The following ADAMTS19 variants were observed in gnomAD, a reference collection of about 807,000 sequenced individuals.
The protein encoded by ADAMTS19 is ADAM metallopeptidase with thrombospondin type 1 motif 19.
In ADAMTS19, 93 loss-of-function variants were observed where a neutral mutation model predicts 153.3. The observed-to-expected ratio is 0.61, with a 90% CI of 0.51 to 0.72. The LOEUF (loss-of-function observed/expected upper bound fraction) is 0.72. Ranked by LOEUF, ADAMTS19 falls within the 30% of genes least tolerant of loss-of-function variation. The pLI is 0.00. For synonymous variants in ADAMTS19, 600 were observed against 556.6 expected (o/e 1.08, Z -1.10); for missense variants, 1,482 against 1,552.1 (o/e 0.95, Z 0.76).
intron 2 of ADAMTS19, among the ~76,000 whole-genome samples, chr5:129,472,074 T>G (rs1213690558): frequency 6.6e-6 from 1 of 152,250 alleles, no homozygotes; most frequent in Non-Finnish European, 1.5e-5. Flanking sequence ...TACCCAGTAA[T>G]GGGCTTGGTG....
In ADAMTS19 at chr5:129,528,661, G is replaced by T. The variant is rs2126768728; in HGVS notation, c.1312G>T (p.Ala438Ser). The part of the protein sequence containing the change: ...WGEDMTSVDA[A>S]ILITRKDFCV... ...GGAAGACATGACTTCAGTGGATGCA[G>T]CTATACTTATAACAAGGTAAATTTT... Residue 438 changes from alanine to serine, a missense_variant, in exon 6 of 23, where the codon GCT becomes TCT. Physicochemically the swap from Ala to Ser is moderately conservative, Grantham distance 99 (BLOSUM62 1). Around this residue, in one of 2 missense-constraint regions of ADAMTS19, gnomAD observed 866 missense variants for 827.7 expected, o/e 1.05. Coordinates refer to ENST00000274487, the MANE Select transcript of ADAMTS19 (RefSeq NM_133638.6). 6.3e-7 allele frequency: 1 copy of T among 1,595,514 alleles called. No homozygotes were observed. The highest frequency in any genetic ancestry group is 2.3e-5 in the East Asian group (1 of 43,456).
Position 129,708,528 on chromosome 5 carries a change from T to G in ADAMTS19, c.3312+4137T>G, listed in dbSNP as rs567825740. On this transcript the variant is annotated intron_variant, in intron 21 of 22. Transcript: ENST00000274487. ...TTTTTTTTTTGGTCTGAATTTGACC[T>G]TCCTTCCTTTATTTAAACTTCTGCA... Among the ~76,000 whole-genome samples the G allele has an allele frequency of 4.7e-5, 7 of 148,020 alleles. No homozygotes were observed. In the South Asian group the frequency reaches 6.5e-4, roughly 14 times the overall value.
At chr5:129,597,393 TA>T (rs1240640032) in intron 8 of ADAMTS19, among the ~76,000 whole-genome samples, 4 of 151,674 alleles carry the variant, frequency 2.6e-5, no homozygotes, top group African/African-American at 9.7e-5. Flanking sequence ...AATACAGAAA[TA>T]TAGAGAATTT....
In ADAMTS19 at chr5:129,674,192, T is replaced by C. The variant is rs146036822; in HGVS notation, c.2507-5572T>C. Among the ~76,000 whole-genome samples the C allele has an allele frequency of 2.4e-3, 365 of 151,788 alleles. 1 individual carries two copies. The highest frequency in any genetic ancestry group is 8.6e-3 in the African/African-American group (354 of 41,358). On this transcript the variant is annotated intron_variant, in intron 16 of 22. Coordinates refer to ENST00000274487, the MANE Select transcript of ADAMTS19 (RefSeq NM_133638.6). The stretch of plus-strand genomic sequence containing the variant: ...GTTGCAATGAACTGAGATCACACTA[T>C]TGCACTCCAGCCTAGGCAACAAGAG...
chr5:129,487,511 T>A (rs1205095407), intron 2 of ADAMTS19, among the ~76,000 whole-genome samples: 1 of 152,072 alleles, frequency 6.6e-6, no homozygotes, highest in Non-Finnish European at 1.5e-5. Flanking sequence ...TATAATAATA[T>A]TAGGGAAATC....
chr5:129,510,689 G>A (rs1297636871), intron 3 of ADAMTS19, among the ~76,000 whole-genome samples: 1 of 151,758 alleles, frequency 6.6e-6, no homozygotes, highest in African/African-American at 2.4e-5. Flanking sequence ...TTGAATAATT[G>A]TTAAGTTCCA....
In ADAMTS19 at chr5:129,679,899, C is replaced by T; in HGVS notation, c.2642C>T (p.Thr881Ile). The change falls in exon 17 of 23, where the codon ACT becomes ATT. Residue 881 changes from threonine (T) to isoleucine (I), a missense_variant. Coordinates refer to ENST00000274487, the MANE Select transcript of ADAMTS19 (RefSeq NM_133638.6). ...GAGAAGATCTCTGCCAAAGGTCCTA[C>T]TACAGCACCTTTACATCTTCTGGTA... ...LWEKISAKGP[T>I]TAPLHLLVLL... 6.2e-7 allele frequency: 1 copy of T among 1,613,396 alleles called. No homozygotes were observed. The highest frequency in any genetic ancestry group is 1.3e-5 in the African/African-American group (1 of 74,988).
intron 7 of ADAMTS19, among the ~76,000 whole-genome samples, chr5:129,591,964 T>G (rs1160924998): frequency 1.3e-5 from 2 of 152,134 alleles, no homozygotes; most frequent in Non-Finnish European, 2.9e-5. Context: ...TCACATAACA[T>G]CTGGCTTGTG....
At chr5:129,618,796 C>T (rs1751646080) in intron 8 of ADAMTS19, among the ~76,000 whole-genome samples, 1 of 151,914 alleles carries the variant, frequency 6.6e-6, no homozygotes, top group South Asian at 2.1e-4. Flanking sequence ...TCAGGCTATG[C>T]ATGTACAAAA....
rs186937077 is a variant in ADAMTS19 at position 129,717,115 on chromosome 5, C to A, written c.3312+12724C>A. On this transcript the variant is annotated intron_variant, in intron 21 of 22. Transcript: ENST00000274487. ...TCATCAATAAATGACAGCCTTAGAACTCCTTGGTACATATTGATTACATTA... is the reference window on the plus strand; with the variant it reads ...TCATCAATAAATGACAGCCTTAGAAATCCTTGGTACATATTGATTACATTA... Among the ~76,000 whole-genome samples, 642 of 152,292 alleles carry A rather than the reference C, an allele frequency of 4.2e-3. 2 individuals carry two copies. Among genetic ancestry groups the A allele is most frequent in the Middle Eastern group, 0.02 (6 of 294 alleles).
chr5:129,464,840 T>C (rs1409030255), intron 2 of ADAMTS19, among the ~76,000 whole-genome samples: 2 of 152,250 alleles, frequency 1.3e-5, no homozygotes, highest in African/African-American at 4.8e-5. Flanking sequence ...TTCTGATTAG[T>C]GTATTATTGA....
intron 3 of ADAMTS19, among the ~76,000 whole-genome samples, chr5:129,512,459 A>T (rs938227414): frequency 2.6e-5 from 4 of 152,088 alleles, no homozygotes; most frequent in African/African-American, 9.7e-5. Context: ...GATTTAGGAG[A>T]TGAAGAATGA....
chr5:129,566,936 CA>C (rs1165860780), intron 7 of ADAMTS19, among the ~76,000 whole-genome samples: 10 of 145,966 alleles, frequency 6.9e-5, no homozygotes, highest in Non-Finnish European at 1.3e-4. Context: ...TATGAGAACA[CA>C]GCAGAGAGGT....
intron 6 of ADAMTS19, among the ~76,000 whole-genome samples, chr5:129,542,863 T>A (rs1216683052): frequency 5.3e-5 from 8 of 152,122 alleles, no homozygotes; most frequent in Admixed American, 5.2e-4. Flanking sequence ...GCATCTACTT[T>A]TCAACATCCA....
chr5:129,734,121 G>A (rs1473336265), intron 21 of ADAMTS19, among the ~76,000 whole-genome samples: 1 of 151,760 alleles, frequency 6.6e-6, no homozygotes, highest in Admixed American at 6.6e-5. Flanking sequence ...CTTGTAAGTG[G>A]GAACTAAACA....
rs570334393 is a variant in ADAMTS19 at position 129,709,746 on chromosome 5, T to G, written c.3312+5355T>G. ...CAAGTCTAGAAAGACAATACAAGAT[T>G]TATTACCTTGTCATTTTGAGCCTTA... is the stretch of plus-strand genomic sequence containing the variant. On this transcript the variant is annotated intron_variant, in intron 21 of 22. Transcript: ENST00000274487. Among the ~76,000 whole-genome samples the G allele has an allele frequency of 1.3e-5, 2 of 152,282 alleles. 1 individual carries two copies. Among genetic ancestry groups the G allele is most frequent in the South Asian group, 4.1e-4 (2 of 4,824 alleles).
chr5:129,626,976 G>A (rs2126991458), intron 10 of ADAMTS19, among the ~76,000 whole-genome samples: 1 of 152,148 alleles, frequency 6.6e-6, no homozygotes, highest in South Asian at 2.1e-4. Context: ...AAGAAAGTGG[G>A]AGAACAAGCT....
chr5:129,534,256 G>A (rs1033013847), intron 6 of ADAMTS19, among the ~76,000 whole-genome samples: 7 of 152,004 alleles, frequency 4.6e-5, no homozygotes, highest in African/African-American at 9.7e-5. Context: ...CACTAAGGAC[G>A]TGCTTTATGA....
chr5:129,541,492 T>G (rs1156696910), intron 6 of ADAMTS19, among the ~76,000 whole-genome samples: 1 of 152,054 alleles, frequency 6.6e-6, no homozygotes, highest in African/African-American at 2.4e-5. Flanking sequence ...GGTTCTTTAA[T>G]TTTTTGCATT....
Sources: allele counts gnomAD v4.1 joint callset (sites outside exome capture counted in the v4.1 genomes callset), GRCh38; gene constraint gnomAD v4.1.1; regional missense constraint gnomAD v4.1.1; transcripts MANE v1.5; gene names NCBI Gene and HGNC (gene_info 2026-07-23, HGNC 2026-07-21).